GPC6: variants seen among roughly 807,000 people sequenced by gnomAD.
The protein encoded by GPC6 is glypican 6.
GPC6 carries 14 observed loss-of-function variants against 55.2 expected under a neutral mutation model. The observed-to-expected ratio is 0.25, with a 90% CI of 0.17 to 0.40. The LOEUF (loss-of-function observed/expected upper bound fraction) is 0.40. Among genes scored for constraint, GPC6 ranks in the 10% least tolerant of loss-of-function variants. The pLI is 1.00. For missense variants in GPC6, 641 were observed against 708.5 expected, an observed-to-expected ratio of 0.90 and a Z score of 1.08; for synonymous variants, 278 against 259.6, an observed-to-expected ratio of 1.07 and a Z score of -0.68.
chr13:93,426,745 A>G (rs1877143577), intron 1 of GPC6, among the ~76,000 whole-genome samples: 1 of 152,138 alleles, frequency 6.6e-6, no homozygotes, highest in Non-Finnish European at 1.5e-5. Flanking sequence ...TCCTTTGGGT[A>G]TACACCCAGT....
intron 4 of GPC6, among the ~76,000 whole-genome samples, chr13:94,231,303 C>T (rs1322229208): frequency 1.3e-5 from 2 of 152,082 alleles, no homozygotes; most frequent in Admixed American, 1.3e-4. Flanking sequence ...CAAGGAGAAT[C>T]CAACCATGAA....
chr13:93,942,303 C>T (rs958459325), intron 3 of GPC6, among the ~76,000 whole-genome samples: 2 of 152,162 alleles, frequency 1.3e-5, no homozygotes, highest in Non-Finnish European at 2.9e-5. Context: ...AGCCTTGCCT[C>T]AGGACATCTC....
At chr13:93,916,629 AT>A (rs1229650620) in intron 3 of GPC6, among the ~76,000 whole-genome samples, 3 of 152,064 alleles carry the variant, frequency 2.0e-5, no homozygotes, top group African/African-American at 7.2e-5. Flanking sequence ...ATGAAAGCAG[AT>A]TTTTTTTCTG....
rs578140710 is a variant in GPC6 at position 93,408,242 on chromosome 13, A to G, written c.161-137021A>G. 5.3e-5 allele frequency among the ~76,000 whole-genome samples: 8 copies of G among 152,308 alleles called. No individual in the cohort carries two copies. The South Asian group carries it at 1.7e-3, about 32-fold the overall frequency. On this transcript the variant is annotated intron_variant, in intron 1 of 8. Coordinates refer to ENST00000377047, the MANE Select transcript of GPC6 (RefSeq NM_005708.5). ...TGTGAAATAACTCAATAGCCATTTC[A>G]AACTATGTTTAATCATTTATAAAAA...
At chr13:93,232,900 T>C (rs1442472985) in intron 1 of GPC6, among the ~76,000 whole-genome samples, 1 of 152,196 alleles carries the variant, frequency 6.6e-6, no homozygotes, top group Non-Finnish European at 1.5e-5. Context: ...TTTGATCTTA[T>C]ATTGAAACCC....
chr13:93,716,349 C>T lies in GPC6; in HGVS notation c.320-113805C>T, dbSNP rs189847134. Reference sequence around the variant, plus strand: ...AAGCATTATTGTCATAGGAGAGGACCGCTTCATGCCAGCTTCAGGTCTTGT... The same window carrying T: ...AAGCATTATTGTCATAGGAGAGGACTGCTTCATGCCAGCTTCAGGTCTTGT... On this transcript the variant is annotated intron_variant, in intron 2 of 8. Coordinates refer to ENST00000377047, the MANE Select transcript of GPC6 (RefSeq NM_005708.5). Among the ~76,000 whole-genome samples, 209 of 151,584 alleles carry T rather than the reference C, an allele frequency of 1.4e-3. 1 individual carries two copies. The South Asian group carries it at 0.017, about 13-fold the overall frequency.
In GPC6 at chr13:94,166,806, A is replaced by G. The variant is rs539184716; in HGVS notation, c.878-119543A>G. On this transcript the variant is annotated intron_variant, in intron 4 of 8. Coordinates refer to ENST00000377047, the MANE Select transcript of GPC6 (RefSeq NM_005708.5). The stretch of plus-strand genomic sequence containing the variant: ...TAATAAATATTTGAAACCTGAAAAC[A>G]TTTAGTTTTAAATTTTCATCAAATA... Among the ~76,000 whole-genome samples, 95 of 152,318 alleles carry G rather than the reference A, an allele frequency of 6.2e-4. No individual in the cohort carries two copies. In the South Asian group the frequency reaches 7.2e-3, roughly 12 times the overall value.
In GPC6 at chr13:93,699,863, T is replaced by C. The variant is rs192818584; in HGVS notation, c.320-130291T>C. ...TTTTTCTTCTTAGAGAAATCTTTCCTAATGACATTATTTTTTTTCTTACTT... is the reference window on the plus strand; with the variant it reads ...TTTTTCTTCTTAGAGAAATCTTTCCCAATGACATTATTTTTTTTCTTACTT... On this transcript the variant is annotated intron_variant, in intron 2 of 8. Transcript: ENST00000377047. Among the ~76,000 whole-genome samples, 294 of 152,214 alleles carry C rather than the reference T, an allele frequency of 1.9e-3. 1 individual carries two copies. Among genetic ancestry groups the C allele is most frequent in the African/African-American group, 6.2e-3 (259 of 41,556 alleles).
intron 4 of GPC6, among the ~76,000 whole-genome samples, chr13:94,196,169 T>G (rs931905338): frequency 6.6e-6 from 1 of 151,884 alleles, no homozygotes; most frequent in Non-Finnish European, 1.5e-5. Context: ...CACAATTAAC[T>G]TGAATAACCT....
At chr13:93,591,335 A>G (rs931372769) in intron 2 of GPC6, among the ~76,000 whole-genome samples, 7 of 151,850 alleles carry the variant, frequency 4.6e-5, no homozygotes, top group Non-Finnish European at 5.9e-5. Flanking sequence ...ATGGTGGCGG[A>G]CGCCTGTAGT....
intron 1 of GPC6, among the ~76,000 whole-genome samples, chr13:93,290,536 C>T (rs1032975082): frequency 7.2e-5 from 11 of 152,034 alleles, no homozygotes; most frequent in Non-Finnish European, 1.3e-4. Flanking sequence ...AAATTTTATA[C>T]AAATAATGAT....
intron 3 of GPC6, among the ~76,000 whole-genome samples, chr13:93,933,828 G>A (rs1348864729): frequency 6.6e-6 from 1 of 152,128 alleles, no homozygotes; most frequent in East Asian, 1.9e-4. Context: ...CTATTGTTTA[G>A]AAAATCAACA....
At chr13:94,096,823 T>G (rs750701633) in intron 4 of GPC6, among the ~76,000 whole-genome samples, 4 of 152,194 alleles carry the variant, frequency 2.6e-5, no homozygotes, top group Non-Finnish European at 5.9e-5. Flanking sequence ...TCTCACCAGT[T>G]CACTTCCTTC....
chr13:93,895,234 G>GTGTGTGTGTGTGTGTGTGTGTGTGTGTA (rs1196315147), intron 3 of GPC6, among the ~76,000 whole-genome samples: 3 of 108,214 alleles, frequency 2.8e-5, no homozygotes, highest in South Asian at 3.2e-4. Flanking sequence ...GTGTGTGTGT[G>GTGTGTGTGTGTGTGTGTGTGTGTGTGTA]TATATATATA....
intron 4 of GPC6, among the ~76,000 whole-genome samples, chr13:94,202,401 C>G (rs544919728): frequency 5.9e-5 from 9 of 152,126 alleles, no homozygotes; most frequent in Non-Finnish European, 1.2e-4. Context: ...CTGGGGAAGT[C>G]TCACAAACAT....
At chr13:93,669,814 G>A (rs1014504738) in intron 2 of GPC6, among the ~76,000 whole-genome samples, 2 of 148,924 alleles carry the variant, frequency 1.3e-5, no homozygotes, top group African/African-American at 4.8e-5. Flanking sequence ...TGAAATTAGA[G>A]TGGGATTGAA....
chr13:94,028,142 A>T (rs941483362), intron 4 of GPC6, among the ~76,000 whole-genome samples: 1 of 152,002 alleles, frequency 6.6e-6, no homozygotes, highest in African/African-American at 2.4e-5. Context: ...GCACACATCT[A>T]TGGTCCCAGC....
intron 1 of GPC6, among the ~76,000 whole-genome samples, chr13:93,315,613 T>C (rs929722030): frequency 1.3e-5 from 2 of 151,990 alleles, no homozygotes; most frequent in African/African-American, 4.8e-5. Flanking sequence ...ATTAATATTC[T>C]TTATATAATT....
chr13:94,319,919 G>A (rs979943512), intron 6 of GPC6, among the ~76,000 whole-genome samples: 1 of 152,106 alleles, frequency 6.6e-6, no homozygotes, highest in African/African-American at 2.4e-5. Context: ...TTCTTTGATT[G>A]TTCTGGAAAA....
Sources: allele counts gnomAD v4.1 joint callset (sites outside exome capture counted in the v4.1 genomes callset), GRCh38; gene constraint gnomAD v4.1.1; transcripts MANE v1.5; gene names NCBI Gene and HGNC (gene_info 2026-07-23, HGNC 2026-07-21).